SOCS2: variants seen among roughly 807,000 people sequenced by gnomAD.
The protein encoded by SOCS2 is suppressor of cytokine signaling 2.
SOCS2 carries 10 observed loss-of-function variants against 18.6 expected under a neutral mutation model. That is an observed-to-expected ratio of 0.54 (90% CI 0.33 to 0.91). The LOEUF (loss-of-function observed/expected upper bound fraction) is 0.91. Ranked by LOEUF, SOCS2 falls within the 40% of genes least tolerant of loss-of-function variation. The probability of loss-of-function intolerance (pLI) is 0.02; values close to 1 mark genes in which losing one functional copy is unlikely to be tolerated. For missense variants in SOCS2, 231 were observed against 247.2 expected, an observed-to-expected ratio of 0.93 and a Z score of 0.44; for synonymous variants, 104 against 104.0, an observed-to-expected ratio of 1.00 and a Z score of 0.00.
the SOCS2 span, among the ~76,000 whole-genome samples, chr12:93,618,610 C>T: frequency 6.6e-6 from 1 of 152,206 alleles, no homozygotes; most frequent in East Asian, 1.9e-4. Context: ...ACATGTATGC[C>T]TCTACTGCCT....
downstream of SOCS2, among the ~76,000 whole-genome samples, chr12:93,586,966 A>G (rs921078263): frequency 2.6e-5 from 4 of 152,100 alleles, no homozygotes; most frequent in African/African-American, 9.7e-5. Context: ...CCAGGAGTTC[A>G]AGACCAGCCT....
upstream of SOCS2, chr12:93,572,630 C>T (rs1005473737): frequency 5.9e-6 from 4 of 674,154 alleles, no homozygotes; most frequent in South Asian, 3.0e-5. This position sits in a 1 kb window ranked among gnomAD's most constrained non-coding sequence, Gnocchi z 5.0. Flanking sequence ...CCACCCCCAC[C>T]CCAGCCGCAG....
downstream of SOCS2, among the ~76,000 whole-genome samples, chr12:93,578,910 G>A (rs1954501398): frequency 6.6e-6 from 1 of 152,140 alleles, no homozygotes; most frequent in Admixed American, 6.5e-5. Flanking sequence ...CAGGCCTGTG[G>A]AATACCCTGT....
the SOCS2 span, among the ~76,000 whole-genome samples, chr12:93,608,995 C>G: frequency 6.6e-6 from 1 of 152,334 alleles, no homozygotes; most frequent in East Asian, 1.9e-4. Flanking sequence ...CATGCTGGCT[C>G]ATGCCTGTAA....
rs776697256 is a variant in SOCS2 at position 93,572,812 on chromosome 12, T to C, written c.-86T>C. 1.3e-6 allele frequency: 2 copies of C among 1,529,738 alleles called. No individual in the cohort carries two copies. The highest frequency in any genetic ancestry group is 8.9e-7 in the Non-Finnish European group (1 of 1,129,332). 94.8% of individuals were successfully genotyped at this position (1,529,738 alleles called of 1,614,324 possible). A position where few individuals can be genotyped will look rare whatever the true frequency, so the allele number is the denominator to read the frequency against. On this transcript the variant is annotated 5_prime_UTR_variant, in exon 1 of 2. Transcript: ENST00000551556. This position sits in a 1 kb window ranked among gnomAD's most constrained non-coding sequence, Gnocchi z 5.0. ...ACCCCGCAGGGACTCGTTTTGGGAT[T>C]CGCACTGACTTCAAGGAAGGACGCG...
In SOCS2 at chr12:93,575,108, G is replaced by A. The variant is rs139375613; in HGVS notation, c.526G>A (p.Gly176Ser). 8.2e-5 allele frequency: 132 copies of A among 1,608,040 alleles called. 1 individual carries two copies. Among genetic ancestry groups the A allele is most frequent in the Non-Finnish European group, 1.1e-4 (125 of 1,178,126 alleles). Reference sequence around the variant, plus strand: ...TAGGCTCACCATTAACAAATGTACCGGTGCCATCTGGGGACTGCCTTTACC... The same window carrying A: ...TAGGCTCACCATTAACAAATGTACCAGTGCCATCTGGGGACTGCCTTTACC... ...LCRLTINKCT[G>S]AIWGLPLPTR... The change falls in exon 2 of 2, where the codon GGT becomes AGT. Residue 176 changes from glycine (G) to serine (S), a missense_variant. Around this residue, in one of 3 missense-constraint regions of SOCS2, gnomAD observed 122 missense variants for 127.2 expected, o/e 0.96. Transcript: ENST00000551556.
chr12:93,606,263 G>A, the SOCS2 span, among the ~76,000 whole-genome samples: 1 of 152,148 alleles, frequency 6.6e-6, no homozygotes, highest in Admixed American at 6.6e-5. Context: ...CATAAAAATT[G>A]GGGTTCTATT....
downstream of SOCS2, among the ~76,000 whole-genome samples, chr12:93,584,870 C>G (rs1001586938): frequency 6.6e-6 from 1 of 152,080 alleles, no homozygotes; most frequent in South Asian, 2.1e-4. Flanking sequence ...TCAAGTGATT[C>G]TCTCGCCTCA....
the SOCS2 span, among the ~76,000 whole-genome samples, chr12:93,592,742 G>C: frequency 6.6e-6 from 1 of 152,248 alleles, no homozygotes; most frequent in South Asian, 2.1e-4. Flanking sequence ...TGCCCTTGAA[G>C]TTAAATCTCT....
downstream of SOCS2, among the ~76,000 whole-genome samples, chr12:93,588,331 GAATT>G (rs1954596595): frequency 1.3e-5 from 2 of 152,024 alleles, no homozygotes; most frequent in Non-Finnish European, 1.5e-5. Context: ...GTTACTTAAT[GAATT>G]AATAAAGAAC....
downstream of SOCS2, chr12:93,583,530 C>G (rs1285634145): frequency 6.6e-6 from 1 of 152,046 alleles, no homozygotes; most frequent in Non-Finnish European, 1.5e-5. Context: ...TTGGGTTTTC[C>G]TGGATCTCTC....
At chr12:93,572,392 C>A (rs1440327742), upstream of SOCS2, 1 of 333,456 alleles carries the variant, frequency 3.0e-6, no homozygotes, top group Non-Finnish European at 5.9e-6. This position sits in a 1 kb window ranked among gnomAD's most constrained non-coding sequence, Gnocchi z 5.0. Context: ...ATTTGCTCTT[C>A]CTAGGTCGCC....
chr12:93,574,688 CTCTTT>C (rs1472934666), intron 1 of SOCS2, 29 bp from the exon 2 acceptor site: 12 of 1,456,816 alleles, frequency 8.2e-6, no homozygotes, highest in Middle Eastern at 1.8e-4. Flanking sequence ...CTGTTTTACC[CTCTTT>C]TCTTTTTCTT....
the SOCS2 span, among the ~76,000 whole-genome samples, chr12:93,598,966 T>C: frequency 6.6e-6 from 1 of 152,216 alleles, no homozygotes; most frequent in Non-Finnish European, 1.5e-5. Context: ...CCTAGCTGTT[T>C]ATGAGAATTT....
Position 93,574,800 on chromosome 12 carries a change from G to A in SOCS2, c.218G>A (p.Arg73Lys). The change falls in exon 2 of 2, where the codon AGA (arginine) becomes AAA (lysine). Residue 73 changes from arginine to lysine, a missense_variant. By Grantham distance (26) the Arg-to-Lys change is conservative. Around this residue, in one of 3 missense-constraint regions of SOCS2, gnomAD observed 106 missense variants for 103.8 expected, o/e 1.02. Transcript: ENST00000551556. ...KEAPEGTFLI[R>K]DSSHSDYLLT... ...GCACCAGAAGGAACTTTCTTGATTA[G>A]AGATAGCTCGCATTCAGACTACCTA... The A allele has an allele frequency of 1.2e-6, 2 of 1,614,160 alleles. No homozygotes were observed. The highest frequency in any genetic ancestry group is 1.1e-5 in the South Asian group (1 of 91,076).
chr12:93,604,982 T>C, the SOCS2 span, among the ~76,000 whole-genome samples: 13 of 151,796 alleles, frequency 8.6e-5, no homozygotes, highest in Non-Finnish European at 1.3e-4. Flanking sequence ...TTTTTTTAAG[T>C]TGATTGCTCA....
chr12:93,610,348 GAGGA>G, the SOCS2 span, among the ~76,000 whole-genome samples: 1 of 152,120 alleles, frequency 6.6e-6, no homozygotes, highest in Non-Finnish European at 1.5e-5. Context: ...ACTCTGCCTG[GAGGA>G]TTTGTTCAAA....
At chr12:93,614,480 T>TTCCTTCCTTCCTTTCTTTCTTTCC in the SOCS2 span, among the ~76,000 whole-genome samples, 1 of 26,132 alleles carries the variant, frequency 3.8e-5, no homozygotes, top group African/African-American at 2.2e-4. Context: ...CCTTCCTTCC[T>TTCCTTCCTTCCTTTCTTTCTTTCC]TTCCTTCCTT....
downstream of SOCS2, among the ~76,000 whole-genome samples, chr12:93,586,339 A>G (rs778138174): frequency 1.3e-5 from 2 of 152,234 alleles, no homozygotes; most frequent in Non-Finnish European, 1.5e-5. Context: ...ATAATATTAA[A>G]TGGTATTATT....
Sources: gnomAD v4.1 joint callset for allele counts (sites outside exome capture counted in the v4.1 genomes callset) on GRCh38, gnomAD v4.1.1 for gene constraint, gnomAD v4.1.1 regional missense constraint, Gnocchi (gnomAD v3.1) non-coding constraint, MANE v1.5 for transcripts, NCBI Gene and HGNC (gene_info 2026-07-23, HGNC 2026-07-21) for gene names.